GRM3: variants seen among roughly 807,000 people sequenced by gnomAD.
GRM3 encodes the protein glutamate metabotropic receptor 3.
Under a neutral mutation model 70.5 loss-of-function variants are expected in GRM3, and 26 were observed. The ratio of observed to expected loss-of-function variants is 0.37; its 90% confidence interval spans 0.27 to 0.51. The LOEUF is 0.51. GRM3 is among the 20% of genes least tolerant of loss of function. The pLI, the probability that GRM3 is intolerant of heterozygous loss-of-function variation, is 0.93. For synonymous variants in GRM3, 443 were observed against 434.9 expected (o/e 1.02, Z -0.23); for missense variants, 859 against 1,123.8 (o/e 0.76, Z 3.37).
chr7:86,788,275 GAA>G (rs902127854), intron 3 of GRM3, among the ~76,000 whole-genome samples: 1 of 152,142 alleles, frequency 6.6e-6, no homozygotes, highest in African/African-American at 2.4e-5. Context: ...AGTGGTCTAT[GAA>G]ATCACAGGTA....
At chr7:86,658,851 T>TA (rs776188702) in intron 1 of GRM3, among the ~76,000 whole-genome samples, 3,987 of 138,708 alleles carry the variant, frequency 0.029, 98 homozygotes, top group African/African-American at 0.068. Context: ...CCTGTTATAC[T>TA]AAAAAAAAAA....
At chr7:86,805,219 A>T (rs1001989813) in intron 3 of GRM3, among the ~76,000 whole-genome samples, 4 of 152,234 alleles carry the variant, frequency 2.6e-5, no homozygotes, top group Non-Finnish European at 5.9e-5. Context: ...AGAACCAGGG[A>T]AAATTTATGT....
At chr7:86,858,771 A>G (rs907200136) in intron 5 of GRM3, among the ~76,000 whole-genome samples, 5 of 152,216 alleles carry the variant, frequency 3.3e-5, no homozygotes, top group African/African-American at 1.2e-4. Flanking sequence ...GTCTCACAAG[A>G]AAAGAATCAT....
chr7:86,791,122 G>A (rs1325021889), intron 3 of GRM3, among the ~76,000 whole-genome samples: 2 of 152,050 alleles, frequency 1.3e-5, no homozygotes, highest in East Asian at 3.9e-4. Flanking sequence ...CCAAACTTAC[G>A]TTTTCTTCTC....
intron 3 of GRM3, among the ~76,000 whole-genome samples, chr7:86,813,849 A>G (rs1797962138): frequency 6.6e-6 from 1 of 151,680 alleles, no homozygotes; most frequent in Admixed American, 6.6e-5. Context: ...CTAGAACCCT[A>G]ATTGAACAAG....
At chr7:86,651,834 T>C (rs116642032) in intron 1 of GRM3, among the ~76,000 whole-genome samples, 1 of 152,190 alleles carries the variant, frequency 6.6e-6, no homozygotes, top group African/African-American at 2.4e-5. Context: ...AAAGTCCCAC[T>C]TCCCCCAACA....
At chr7:86,777,434 T>A (rs1796921773) in intron 2 of GRM3, among the ~76,000 whole-genome samples, 1 of 152,136 alleles carries the variant, frequency 6.6e-6, no homozygotes, top group Admixed American at 6.6e-5. Context: ...CCATGTGAAA[T>A]CACTGGTACT....
intron 5 of GRM3, among the ~76,000 whole-genome samples, chr7:86,856,730 T>G (rs917264901): frequency 6.6e-6 from 1 of 152,216 alleles, no homozygotes; most frequent in Non-Finnish European, 1.5e-5. Flanking sequence ...AGAGAATTGA[T>G]GTTTAGTACC....
At chr7:86,816,865 A>T (rs1798026745) in intron 3 of GRM3, among the ~76,000 whole-genome samples, 1 of 151,972 alleles carries the variant, frequency 6.6e-6, no homozygotes, top group African/African-American at 2.4e-5. Context: ...CCATTTCTGA[A>T]TTAGAGATAA....
chr7:86,724,062 C>G (rs991774106), intron 1 of GRM3, among the ~76,000 whole-genome samples: 2 of 152,078 alleles, frequency 1.3e-5, no homozygotes, highest in East Asian at 1.9e-4. Flanking sequence ...CATTTCATAG[C>G]CTTTGCAGCT....
chr7:86,833,149 C>T (rs184728547), intron 3 of GRM3: 40 of 961,634 alleles, frequency 4.2e-5, no homozygotes, highest in Admixed American at 6.3e-5. Flanking sequence ...AGTTTCTTCA[C>T]GCCAAAGAAC....
Position 86,838,915 on chromosome 7 carries a change from C to G in GRM3, c.1401C>G (p.Asn467Lys), listed in dbSNP as rs765776830. The G allele has an allele frequency of 3.1e-6, 5 of 1,613,456 alleles. No individual in the cohort carries two copies. The highest frequency in any genetic ancestry group is 4.2e-6 in the Non-Finnish European group (5 of 1,179,498). Residue 467 changes from asparagine to lysine, a missense_variant, in exon 4 of 6, where the codon AAC becomes AAG. By Grantham distance (94) the Asn-to-Lys change is moderately conservative. Coordinates refer to ENST00000361669, the MANE Select transcript of GRM3 (RefSeq NM_000840.3). ...TTGGAGATGGAATGGGGCGATACAA[C>G]GTGTTCAATTTCCAAAATGTAGGTG... is the stretch of plus-strand genomic sequence containing the variant. Reference protein sequence around the residue: ...DTFGDGMGRYNVFNFQNVGGK... With the variant: ...DTFGDGMGRYKVFNFQNVGGK...
chr7:86,857,939 T>C (rs1444225168), intron 5 of GRM3, among the ~76,000 whole-genome samples: 2 of 141,256 alleles, frequency 1.4e-5, no homozygotes, highest in Non-Finnish European at 3.0e-5. Context: ...TTTTATTTTA[T>C]TTTATTTTAT....
chr7:86,724,586 T>C (rs1397956289), intron 1 of GRM3, among the ~76,000 whole-genome samples: 1 of 152,150 alleles, frequency 6.6e-6, no homozygotes, highest in African/African-American at 2.4e-5. Context: ...AGTACCAAAA[T>C]CAGCTGAATC....
intron 3 of GRM3, among the ~76,000 whole-genome samples, chr7:86,797,564 A>T (rs1325669528): frequency 1.3e-5 from 2 of 152,176 alleles, no homozygotes; most frequent in Non-Finnish European, 2.9e-5. Flanking sequence ...AAAGATATGT[A>T]TTGGAATTGG....
intron 1 of GRM3, among the ~76,000 whole-genome samples, chr7:86,733,582 T>G (rs1304673567): frequency 6.6e-6 from 1 of 152,052 alleles, no homozygotes; most frequent in Non-Finnish European, 1.5e-5. Flanking sequence ...TTTATTTGAG[T>G]CTTCAAGGAG....
Position 86,657,299 on chromosome 7 carries a change from T to C in GRM3, c.-141+12427T>C, listed in dbSNP as rs916300249. ...TTATAGGAGAGATGAGATATGTGCA[T>C]GTGTACCTACAGTAACAAGAAAATT... is the stretch of plus-strand genomic sequence containing the variant. On this transcript the variant is annotated intron_variant, in intron 1 of 5. Coordinates refer to ENST00000361669, the MANE Select transcript of GRM3 (RefSeq NM_000840.3). 2.6e-5 allele frequency among the ~76,000 whole-genome samples: 4 copies of C among 152,194 alleles called. No homozygotes were observed. In the South Asian group the frequency reaches 6.2e-4, roughly 24 times the overall value.
chr7:86,790,531 C>G (rs193295626), intron 3 of GRM3, among the ~76,000 whole-genome samples: 62 of 152,262 alleles, frequency 4.1e-4, no homozygotes, highest in Non-Finnish European at 7.4e-4. Flanking sequence ...CAAAGTCCTT[C>G]CTCTACTCAG....
chr7:86,752,778 A>G (rs1233809555), intron 1 of GRM3, among the ~76,000 whole-genome samples: 1 of 152,076 alleles, frequency 6.6e-6, no homozygotes, highest in East Asian at 1.9e-4. Context: ...ATTTTAGGAA[A>G]TATTCTTCTT....
Sources: allele counts gnomAD v4.1 joint callset (sites outside exome capture counted in the v4.1 genomes callset), GRCh38; gene constraint gnomAD v4.1.1; transcripts MANE v1.5; gene names NCBI Gene and HGNC (gene_info 2026-07-23, HGNC 2026-07-21).